Variants in CHD1L observed in about 807,000 individuals in gnomAD.
CHD1L encodes the protein ATP-dependent chromatin remodeler CHD1L.
A neutral mutation model predicts 115.9 loss-of-function variants in CHD1L; 118 were observed. That is an observed-to-expected ratio of 1.02 (90% CI 0.88 to 1.19). CHD1L has a LOEUF of 1.19. Ranked by LOEUF, CHD1L falls within the 50% of genes most tolerant of loss-of-function variation. CHD1L has a pLI of 0.00. For synonymous variants in CHD1L, 411 were observed against 387.1 expected (o/e 1.06, Z -0.72); for missense variants, 1,179 against 1,065.3 (o/e 1.11, Z -1.49).
chr1:147,211,258 A>G, the CHD1L span: 1 of 152,354 alleles, frequency 6.6e-6, no homozygotes, highest in African/African-American at 2.4e-5. Flanking sequence ...TGACAAGCCA[A>G]TGATATTAAA....
intron 10 of CHD1L, 53 bp downstream of exon 10, chr1:147,268,931 A>C (rs1017811559): frequency 7.2e-7 from 1 of 1,390,952 alleles, no homozygotes; most frequent in Middle Eastern, 1.8e-4. Flanking sequence ...TTAAAACCTG[A>C]CTATTGAGGA....
upstream of CHD1L, among the ~76,000 whole-genome samples, chr1:147,242,314 C>G (rs1300957297): frequency 2.0e-5 from 3 of 152,212 alleles, no homozygotes; most frequent in Non-Finnish European, 4.4e-5. Context: ...GGGCACGGAA[C>G]AAGTCTTACT....
At chr1:147,187,099 C>T in the CHD1L span, 1 of 1,614,058 alleles carries the variant, frequency 6.2e-7, no homozygotes, top group Admixed American at 1.7e-5. Context: ...GATTGGAGTG[C>T]AGGGTCCCAG....
the CHD1L span, among the ~76,000 whole-genome samples, chr1:147,192,916 G>C: frequency 3.9e-5 from 6 of 152,112 alleles, no homozygotes; most frequent in Non-Finnish European, 7.3e-5. Context: ...CAGTTTGCCA[G>C]TATTTTATTG....
At chr1:147,246,212 G>A (rs1666569974) in intron 1 of CHD1L, among the ~76,000 whole-genome samples, 1 of 152,132 alleles carries the variant, frequency 6.6e-6, no homozygotes, top group African/African-American at 2.4e-5. Context: ...ATTCATCCAG[G>A]TCGTTGCACG....
chr1:147,254,074 G>A (rs1265542536), intron 2 of CHD1L, among the ~76,000 whole-genome samples: 1 of 152,152 alleles, frequency 6.6e-6, no homozygotes, highest in Admixed American at 6.5e-5. Context: ...AAATAGCTCA[G>A]CATTTGAAGA....
intron 2 of CHD1L, among the ~76,000 whole-genome samples, chr1:147,253,298 CTT>C (rs1338562028): frequency 6.6e-6 from 1 of 152,160 alleles, no homozygotes; most frequent in Non-Finnish European, 1.5e-5. Flanking sequence ...AAAAGATAAA[CTT>C]TCTCTAAATT....
At chr1:147,179,434 G>A in the CHD1L span, 2 of 1,593,990 alleles carry the variant, frequency 1.3e-6, no homozygotes, top group South Asian at 2.2e-5. Context: ...AGCCAATGAT[G>A]TGCCTTCTCC....
rs1329107063 is a variant in CHD1L, at chr1:147,284,495, G to A, written c.1850G>A (p.Gly617Asp). The A allele has an allele frequency of 6.3e-7, 1 of 1,591,150 alleles. No individual in the cohort carries two copies. The highest frequency in any genetic ancestry group is 1.9e-5 in the Admixed American group (1 of 53,452). Residue 617 changes from glycine to aspartate, a missense_variant, in exon 16 of 23, where the codon GGC becomes GAC. Transcript: ENST00000369258. ...SQEGRSLRNK[G>D]SVLIPGLVEG... is the part of the protein sequence containing the mutation. The stretch of plus-strand genomic sequence containing the variant: ...GAGGGCCGATCACTCCGAAATAAAG[G>A]CAGTGTAAGAACTGTTAATTTATTT...
At chr1:147,196,727 C>T in the CHD1L span, among the ~76,000 whole-genome samples, 1 of 151,968 alleles carries the variant, frequency 6.6e-6, no homozygotes, top group African/African-American at 2.4e-5. Flanking sequence ...TACCATATTT[C>T]TTATCTCCCT....
chr1:147,192,176 T>C, the CHD1L span, among the ~76,000 whole-genome samples: 19 of 152,258 alleles, frequency 1.2e-4, no homozygotes, highest in Non-Finnish European at 1.6e-4. Flanking sequence ...TTGTATCCTC[T>C]TTTATTTCAT....
upstream of CHD1L, among the ~76,000 whole-genome samples, chr1:147,241,042 G>A (rs1296601121): frequency 3.3e-5 from 5 of 151,846 alleles, no homozygotes; most frequent in East Asian, 7.8e-4. Flanking sequence ...ATACCCACAA[G>A]TGTGGAGGGG....
the CHD1L span, chr1:147,174,484 A>G: frequency 6.6e-6 from 1 of 152,376 alleles, no homozygotes; most frequent in East Asian, 1.9e-4. Flanking sequence ...ACGGAGAGAA[A>G]TAAACTGTTT....
At chr1:147,289,546 G>C (rs1553968631) in intron 19 of CHD1L, among the ~76,000 whole-genome samples, 1 of 152,162 alleles carries the variant, frequency 6.6e-6, no homozygotes, top group African/African-American at 2.4e-5. Context: ...GAAGGAAATG[G>C]AGATGAGAGT....
chr1:147,178,682 A>C, the CHD1L span: 6 of 1,575,372 alleles, frequency 3.8e-6, no homozygotes, highest in South Asian at 5.5e-5. Flanking sequence ...ACGAATGTTG[A>C]GTCTCTGGTG....
Position 147,293,170 on chromosome 1 carries a change from A to G in CHD1L, c.2392-438A>G, listed in dbSNP as rs115689845. Among the ~76,000 whole-genome samples the G allele has an allele frequency of 5.9e-3, 899 of 152,144 alleles. 5 individuals are homozygous for G. Among genetic ancestry groups the G allele is most frequent in the Non-Finnish European group, 9.4e-3 (636 of 68,012 alleles). ...TTAGGATGGTTGAGAGATACTTGGC[A>G]TTTTGTCCTCATGGGAATTGTTCGA... On this transcript the variant is annotated intron_variant, in intron 20 of 22. Coordinates refer to ENST00000369258, the MANE Select transcript of CHD1L (RefSeq NM_004284.6).
At chr1:147,272,422 A>C (rs2102682782) in intron 12 of CHD1L, 141 bp downstream of exon 12, 1 of 604,818 alleles carries the variant, frequency 1.7e-6, no homozygotes. Context: ...ACTGGACATC[A>C]AGCATGGTGC....
upstream of CHD1L, among the ~76,000 whole-genome samples, chr1:147,240,821 C>T (rs982779720): frequency 1.3e-5 from 2 of 152,130 alleles, no homozygotes; most frequent in Non-Finnish European, 2.9e-5. Context: ...TTCATGCTGA[C>T]CGTCTCTCCA....
chr1:147,181,091 A>G, the CHD1L span, among the ~76,000 whole-genome samples: 1 of 152,236 alleles, frequency 6.6e-6, no homozygotes, highest in Non-Finnish European at 1.5e-5. Context: ...AAAATAAACA[A>G]TTAAAATCAA....
Sources: allele counts gnomAD v4.1 joint callset (sites outside exome capture counted in the v4.1 genomes callset), GRCh38; gene constraint gnomAD v4.1.1; transcripts MANE v1.5; gene names NCBI Gene and HGNC (gene_info 2026-07-23, HGNC 2026-07-21).